The following CACNA1C variants were observed in gnomAD, a reference collection of about 807,000 sequenced individuals.
CACNA1C encodes the protein voltage-dependent L-type calcium channel subunit alpha-1C.
Under a neutral mutation model 229.0 loss-of-function variants are expected in CACNA1C, and 30 were observed. That is an observed-to-expected ratio of 0.13 (90% CI 0.10 to 0.18). The LOEUF (loss-of-function observed/expected upper bound fraction) is 0.18, where lower values mean the gene tolerates loss of function less well. CACNA1C is among the 10% of genes least tolerant of loss of function. CACNA1C has a pLI of 1.00. For synonymous variants in CACNA1C, 1,114 were observed against 1,132.5 expected (o/e 0.98, Z 0.33); for missense variants, 1,658 against 2,845.0 (o/e 0.58, Z 9.49).
At chr12:2,668,563 C>A (rs533136924) in intron 37 of CACNA1C, 1 of 235,100 alleles carries the variant, frequency 4.3e-6, no homozygotes, top group Non-Finnish European at 8.4e-6. Flanking sequence ...AAGCATGGCA[C>A]TAGCATTCTG....
intron 3 of CACNA1C, among the ~76,000 whole-genome samples, chr12:2,318,067 G>A (rs551625064): frequency 7.1e-4 from 108 of 152,356 alleles, no homozygotes; most frequent in Non-Finnish European, 1.2e-3. Flanking sequence ...TTGAAGGGTG[G>A]TGGGTAGGAG....
intron 30 of CACNA1C, chr12:2,641,846 C>T: frequency 2.9e-6 from 2 of 699,318 alleles, no homozygotes; most frequent in South Asian, 3.0e-5. Flanking sequence ...GTTTTCTACT[C>T]TGCTTAAGAG....
intron 39 of CACNA1C, 76 bp downstream of exon 39, chr12:2,674,718 T>G: frequency 7.4e-7 from 1 of 1,355,290 alleles, no homozygotes; most frequent in Non-Finnish European, 1.0e-6. Context: ...CCTCCAGCTG[T>G]GGCACCCTTA....
In CACNA1C at chr12:2,602,626, T is replaced by G. The variant is rs996567537; in HGVS notation, c.2960+666T>G. Among the ~76,000 whole-genome samples the G allele has an allele frequency of 1.8e-5, 2 of 111,542 alleles. No individual in the cohort carries two copies. Among genetic ancestry groups the G allele is most frequent in the African/African-American group, 3.5e-5 (1 of 28,566 alleles). 73.2% of individuals were successfully genotyped at this position (111,542 alleles called of 152,430 possible). A position where few individuals can be genotyped will look rare whatever the true frequency, so the allele number is the denominator to read the frequency against. On this transcript the variant is annotated intron_variant, in intron 22 of 46. Transcript: ENST00000399655. This position sits in a 1 kb window ranked among gnomAD's most constrained non-coding sequence, Gnocchi z 4.4. Reference sequence around the variant, plus strand: ...GTATGTGTGTGACTGTGTATATTTGTGTCTTGTGTGTGTGTGTGTGTGTGT... The same window carrying G: ...GTATGTGTGTGACTGTGTATATTTGGGTCTTGTGTGTGTGTGTGTGTGTGT...
At chr12:2,222,056 A>C (rs2061599473) in intron 3 of CACNA1C, 1 of 152,272 alleles carries the variant, frequency 6.6e-6, no homozygotes, top group Non-Finnish European at 1.5e-5. Context: ...TTAGAGTGTT[A>C]ATGATAAGCC....
At chr12:2,097,144 TTTTA>T (rs1455161573) in intron 1 of CACNA1C, among the ~76,000 whole-genome samples, 4 of 152,114 alleles carry the variant, frequency 2.6e-5, no homozygotes, top group African/African-American at 4.8e-5. Context: ...ATTTTTAAAT[TTTTA>T]TTTATTTATT....
intron 1 of CACNA1C, among the ~76,000 whole-genome samples, chr12:2,040,821 A>C (rs2049956686): frequency 1.3e-5 from 2 of 152,210 alleles, no homozygotes; most frequent in African/African-American, 2.4e-5. Flanking sequence ...TTTTCATACT[A>C]ACATTTCACT....
chr12:2,617,019 CCA>C (rs1194418706), intron 29 of CACNA1C, among the ~76,000 whole-genome samples: 1 of 152,222 alleles, frequency 6.6e-6, no homozygotes, highest in Non-Finnish European at 1.5e-5. Context: ...AGTTCAGTTG[CCA>C]CAGTCTTGTC....
chr12:2,407,102 G>A (rs886366529), intron 3 of CACNA1C, among the ~76,000 whole-genome samples: 3 of 152,266 alleles, frequency 2.0e-5, no homozygotes, highest in Admixed American at 6.5e-5. Flanking sequence ...GGGGAGCCTC[G>A]TTACTGCCTC....
At chr12:2,204,881 C>T (rs2097706764) in intron 3 of CACNA1C, among the ~76,000 whole-genome samples, 1 of 148,090 alleles carries the variant, frequency 6.8e-6, no homozygotes, top group South Asian at 2.2e-4. Context: ...CAGCATGGCA[C>T]ATGTATACAT....
intron 38 of CACNA1C, among the ~76,000 whole-genome samples, chr12:2,669,419 C>T (rs376056708): frequency 2.0e-5 from 3 of 152,272 alleles, no homozygotes; most frequent in Non-Finnish European, 4.4e-5. Flanking sequence ...CGTCCTGGGC[C>T]GCATGTGGCC....
intron 1 of CACNA1C, among the ~76,000 whole-genome samples, chr12:2,075,760 G>C (rs2062968125): frequency 6.6e-6 from 1 of 152,194 alleles, no homozygotes; most frequent in African/African-American, 2.4e-5. Context: ...GAACAGTGGA[G>C]CCAGGTTCCC....
rs181683655 is a variant in CACNA1C, at chr12:2,410,241, C to T, written c.478-38735C>T. Among the ~76,000 whole-genome samples, 7 of 152,288 alleles carry T rather than the reference C, an allele frequency of 4.6e-5. No homozygotes were observed. The highest frequency in any genetic ancestry group is 4.1e-4 in the South Asian group (2 of 4,824). On this transcript the variant is annotated intron_variant, in intron 3 of 46. Coordinates refer to ENST00000399655, the MANE Select transcript of CACNA1C (RefSeq NM_000719.7). This position sits in a 1 kb window ranked among gnomAD's most constrained non-coding sequence, Gnocchi z 5.3. ...GTGATGCCTATGGCGACCGCAGAAT[C>T]GACCTCAACGAGCTCGTCGCCGGGC...
At chr12:2,458,153 T>A (rs1001965102) in intron 5 of CACNA1C, among the ~76,000 whole-genome samples, 1 of 152,248 alleles carries the variant, frequency 6.6e-6, no homozygotes, top group African/African-American at 2.4e-5. Flanking sequence ...AAGTTCTGTT[T>A]TGACCTTTCT....
intron 3 of CACNA1C, among the ~76,000 whole-genome samples, chr12:2,414,495 G>A (rs978201336): frequency 2.0e-5 from 3 of 152,184 alleles, no homozygotes; most frequent in Admixed American, 2.0e-4. Flanking sequence ...GGGAGGCCTG[G>A]ATAGGAACTA....
At chr12:2,201,487 C>T (rs2097578758) in intron 3 of CACNA1C, among the ~76,000 whole-genome samples, 1 of 152,222 alleles carries the variant, frequency 6.6e-6, no homozygotes, top group South Asian at 2.1e-4. Context: ...CTACATCTTT[C>T]TCTGTGTTCT....
intron 3 of CACNA1C, among the ~76,000 whole-genome samples, chr12:2,150,500 C>T (rs78489983): frequency 0.01 from 1,545 of 152,254 alleles, 24 homozygotes; most frequent in African/African-American, 0.035. Flanking sequence ...CATGATATTC[C>T]GCCCTCTTAA....
intron 3 of CACNA1C, among the ~76,000 whole-genome samples, chr12:2,236,372 T>C (rs576601089): frequency 6.6e-6 from 1 of 152,364 alleles, no homozygotes; most frequent in East Asian, 1.9e-4. Flanking sequence ...CTAATTTCAC[T>C]GTCAGATTGG....
chr12:2,426,340 A>G (rs1331384881), intron 3 of CACNA1C, among the ~76,000 whole-genome samples: 1 of 152,202 alleles, frequency 6.6e-6, no homozygotes, highest in Admixed American at 6.5e-5. Flanking sequence ...GAGATGCCAC[A>G]AGGTGAGTAG....
Sources: allele counts gnomAD v4.1 joint callset (sites outside exome capture counted in the v4.1 genomes callset), GRCh38; gene constraint gnomAD v4.1.1; non-coding constraint Gnocchi (gnomAD v3.1); transcripts MANE v1.5; gene names NCBI Gene and HGNC (gene_info 2026-07-23, HGNC 2026-07-21).